The following MYOD1 variants were observed in gnomAD, a reference collection of about 807,000 sequenced individuals.
MYOD1 encodes myogenic differentiation 1, also known as myoblast determination protein 1.
A neutral mutation model predicts 14.9 loss-of-function variants in MYOD1; 15 were observed. The observed-to-expected ratio is 1.01, with a 90% CI of 0.67 to 1.55. The LOEUF (loss-of-function observed/expected upper bound fraction) is 1.55. Among genes scored for constraint, MYOD1 ranks in the 40% most tolerant of loss-of-function variants. MYOD1 has a pLI of 0.00. For synonymous variants in MYOD1, 235 were observed against 218.6 expected, an observed-to-expected ratio of 1.07 and a Z score of -0.66; for missense variants, 529 against 482.6, an observed-to-expected ratio of 1.10 and a Z score of -0.90.
rs946495573 is a variant in MYOD1 at position 17,720,316 on chromosome 11, C to G, written c.534C>G (p.Phe178Leu). ...CGCCCCCTGGCGCCGCAGCCGCCTT[C>G]TATGCGCCGGGCCCGCTGCCCCCGG... ...DAAPPGAAAA[F>L]YAPGPLPPGR... is the part of the protein sequence containing the mutation. Residue 178 changes from phenylalanine (F) to leucine (L), a missense_variant, in exon 1 of 3, where the codon TTC becomes TTG. Transcript: ENST00000250003. The G allele has an allele frequency of 1.9e-6, 3 of 1,584,702 alleles. No homozygotes were observed. The highest frequency in any genetic ancestry group is 2.6e-6 in the Non-Finnish European group (3 of 1,169,880).
Position 17,721,472 on chromosome 11 carries a change from G to T in MYOD1, c.927G>T (p.Ala309=). 2 of 1,586,828 alleles carry T rather than the reference G, an allele frequency of 1.3e-6. No individual in the cohort carries two copies. Among genetic ancestry groups the T allele is most frequent in the Non-Finnish European group, 1.7e-6 (2 of 1,172,390 alleles). Residue 309 remains alanine, a synonymous_variant, in exon 3 of 3, where the codon GCG becomes GCT. Transcript: ENST00000250003. This position sits in a 1 kb window ranked among gnomAD's most constrained non-coding sequence, Gnocchi z 6.2. ...QSPDAAPQCP[A]GANPNPIYQV... The stretch of plus-strand genomic sequence containing the variant: ...CGGACGCCGCCCCGCAGTGCCCTGC[G>T]GGTGCGAACCCCAACCCGATATACC...
At position 17,721,404 on chromosome 11, in the gene MYOD1, G is replaced by T; in HGVS notation, c.859G>T (p.Ala287Ser). 6.3e-7 allele frequency: 1 copy of T among 1,597,524 alleles called. No individual in the cohort carries two copies. ...ESPPRRQEAA[A>S]PSEGESSGDP... ...GCCTCCGCGCAGGCAAGAGGCTGCC[G>T]CCCCCAGCGAGGGAGAGAGCAGCGG... Residue 287 changes from alanine (A) to serine (S), a missense_variant, in exon 3 of 3, where the codon GCC becomes TCC. Ala to Ser is a moderately conservative substitution (Grantham distance 99). Coordinates refer to ENST00000250003, the MANE Select transcript of MYOD1 (RefSeq NM_002478.5). The surrounding 1 kb of genome is among the most constrained non-coding windows in gnomAD (Gnocchi z 6.2).
At position 17,721,757 on chromosome 11, in the gene MYOD1, C is replaced by A. The variant is rs1227050559; in HGVS notation, c.*249C>A. On this transcript the variant is annotated 3_prime_UTR_variant, in exon 3 of 3. Transcript: ENST00000250003. The surrounding 1 kb of genome is among the most constrained non-coding windows in gnomAD (Gnocchi z 6.2). ...CTCCGTGTTCCTCGGTGGGCCAGAG[C>A]TGAACCTTGAGGGGCTAGGTTCAGC... 6.3e-6 allele frequency: 3 copies of A among 475,226 alleles called. No homozygotes were observed. The highest frequency in any genetic ancestry group is 8.5e-5 in the South Asian group (2 of 23,392). The allele number at this position is 475,226 out of a possible 1,614,324, so 29.4% of individuals were successfully genotyped here. A position where few individuals can be genotyped will look rare whatever the true frequency, so the allele number is the denominator to read the frequency against.
Position 17,720,257 on chromosome 11 carries a change from G to A in MYOD1, c.475G>A (p.Gly159Ser), listed in dbSNP as rs1848622887. The change falls in exon 1 of 3, where the codon GGC becomes AGC. Residue 159 changes from glycine to serine, a missense_variant. Gly to Ser is a moderately conservative substitution (Grantham distance 56, BLOSUM62 0). Coordinates refer to ENST00000250003, the MANE Select transcript of MYOD1 (RefSeq NM_002478.5). ...ILRNAIRYIEGLQALLRDQDA... is the reference protein window; with the variant it reads ...ILRNAIRYIESLQALLRDQDA... ...GCGCAACGCCATCCGCTATATCGAG[G>A]GCCTGCAGGCTCTGCTGCGCGACCA... 6.2e-7 allele frequency: 1 copy of A among 1,602,894 alleles called. No homozygotes were observed. The highest frequency in any genetic ancestry group is 1.4e-5 in the African/African-American group (1 of 73,066).
intron 1 of MYOD1, 37 bp from the exon 2 acceptor site, chr11:17,720,865 C>T: frequency 6.3e-7 from 1 of 1,596,190 alleles, no homozygotes; most frequent in Non-Finnish European, 8.5e-7. Flanking sequence ...CTCGAGCCGT[C>T]CCGCGGGCCT....
Position 17,721,389 on chromosome 11 carries a change from A to G in MYOD1, c.844A>G (p.Arg282Gly), listed in dbSNP as rs1299507814. 3.1e-6 allele frequency: 5 copies of G among 1,596,354 alleles called. No homozygotes were observed. In the East Asian group the frequency reaches 1.1e-4, roughly 36 times the overall value. ...CGTGCCTTCTGAGTCGCCTCCGCGCAGGCAAGAGGCTGCCGCCCCCAGCGA... is the reference window on the plus strand; with the variant it reads ...CGTGCCTTCTGAGTCGCCTCCGCGCGGGCAAGAGGCTGCCGCCCCCAGCGA... ...ADVPSESPPRRQEAAAPSEGE... is the reference protein window; with the variant it reads ...ADVPSESPPRGQEAAAPSEGE... The change falls in exon 3 of 3, where the codon AGG becomes GGG. Residue 282 changes from arginine to glycine, a missense_variant. Arg to Gly is a moderately radical substitution (Grantham distance 125). Coordinates refer to ENST00000250003, the MANE Select transcript of MYOD1 (RefSeq NM_002478.5). The surrounding 1 kb of genome is among the most constrained non-coding windows in gnomAD (Gnocchi z 6.2).
intron 1 of MYOD1, 30 bp downstream of exon 1, chr11:17,720,442 G>C (rs1191858161): frequency 6.6e-6 from 10 of 1,519,834 alleles, no homozygotes; most frequent in Non-Finnish European, 8.7e-6. Context: ...AAGTGAGGAA[G>C]TTAGGGCGGC....
Position 17,720,955 on chromosome 11 carries a change from C to T in MYOD1, c.684C>T (p.Gly228=). ...CCCGGCGGCGGAACTGCTACGAAGGCGCCTACTACAACGAGGCGCCCAGCG... is the reference window on the plus strand; with the variant it reads ...CCCGGCGGCGGAACTGCTACGAAGGTGCCTACTACAACGAGGCGCCCAGCG... ...SGARRRNCYE[G]AYYNEAPSEP... is the part of the protein sequence containing the mutation. The change falls in exon 2 of 3, where the codon GGC becomes GGT. Residue 228 remains glycine (G), a synonymous_variant. Coordinates refer to ENST00000250003, the MANE Select transcript of MYOD1 (RefSeq NM_002478.5). 1 of 1,606,706 alleles carries T rather than the reference C, an allele frequency of 6.2e-7. No homozygotes were observed. Among genetic ancestry groups the T allele is most frequent in the Non-Finnish European group, 8.5e-7 (1 of 1,177,470 alleles).
rs930939009 is a variant in MYOD1 at position 17,721,329 on chromosome 11, G to A, written c.784G>A (p.Glu262Lys). The stretch of plus-strand genomic sequence containing the variant: ...CAGCATCGTGGAGCGCATCTCCACC[G>A]AGAGCCCTGCGGCGCCCGCCCTCCT... ...LSSIVERISTESPAAPALLLA... is the reference protein window; with the variant it reads ...LSSIVERISTKSPAAPALLLA... The change falls in exon 3 of 3, where the codon GAG (glutamate) becomes AAG (lysine). Residue 262 changes from glutamate (E) to lysine (K), a missense_variant. Physicochemically the swap from Glu to Lys is moderately conservative, Grantham distance 56. Transcript: ENST00000250003. The surrounding 1 kb of genome is among the most constrained non-coding windows in gnomAD (Gnocchi z 6.2). The A allele has an allele frequency of 1.2e-5, 19 of 1,595,216 alleles. No individual in the cohort carries two copies. The highest frequency in any genetic ancestry group is 1.7e-5 in the Admixed American group (1 of 59,508).
intron 1 of MYOD1, 131 bp from the exon 2 acceptor site, chr11:17,720,771 C>CCA: frequency 9.8e-7 from 1 of 1,024,442 alleles, no homozygotes; most frequent in Non-Finnish European, 1.4e-6. Flanking sequence ...TAATTACCCC[C>CCA]CCAACCAGGA....
chr11:17,721,072 C>A lies in MYOD1; in HGVS notation c.709+92C>A. The A allele has an allele frequency of 1.4e-6, 2 of 1,417,358 alleles. No homozygotes were observed. Among genetic ancestry groups the A allele is most frequent in the Non-Finnish European group, 9.4e-7 (1 of 1,066,888 alleles). 87.8% of individuals were successfully genotyped at this position (1,417,358 alleles called of 1,614,324 possible). A position where few individuals can be genotyped will look rare whatever the true frequency, so the allele number is the denominator to read the frequency against. ...GGACGCTCCCACCCCCACTCACACA[C>A]GCCTATGTCCTGGGAAGTGGTGCAG... On this transcript the variant is annotated intron_variant, in intron 2 of 2. Transcript: ENST00000250003. The surrounding 1 kb of genome is among the most constrained non-coding windows in gnomAD (Gnocchi z 6.2).
At position 17,721,815 on chromosome 11, in the gene MYOD1, C is replaced by A; in HGVS notation, c.*307C>A. On this transcript the variant is annotated 3_prime_UTR_variant, in exon 3 of 3. Transcript: ENST00000250003. This position sits in a 1 kb window ranked among gnomAD's most constrained non-coding sequence, Gnocchi z 6.2. Reference sequence around the variant, plus strand: ...CGCCCTCCCCCATGGGGGTGAGACCCTCGCAGACCTAAGCCCTGCCCCGGG... The same window carrying A: ...CGCCCTCCCCCATGGGGGTGAGACCATCGCAGACCTAAGCCCTGCCCCGGG... The A allele has an allele frequency of 2.6e-6, 1 of 383,086 alleles. No homozygotes were observed. Among genetic ancestry groups the A allele is most frequent in the Non-Finnish European group, 4.6e-6 (1 of 216,444 alleles). 23.7% of individuals were successfully genotyped at this position (383,086 alleles called of 1,614,324 possible).
At chr11:17,720,548 C>A in intron 1 of MYOD1, 136 bp downstream of exon 1, 2 of 1,242,664 alleles carry the variant, frequency 1.6e-6, no homozygotes, top group African/African-American at 1.6e-5. Context: ...CCCCCTTGTC[C>A]TGGGCAGCTG....
rs770108553 is a variant in MYOD1, at chr11:17,720,407, G to A, written c.625G>A (p.Gly209Ser). 2.6e-6 allele frequency: 4 copies of A among 1,561,702 alleles called. No homozygotes were observed. The highest frequency in any genetic ancestry group is 3.4e-6 in the Non-Finnish European group (4 of 1,165,540). Residue 209 changes from glycine to serine, a missense_variant, in exon 1 of 3, where the codon GGC becomes AGC. Gly to Ser is a moderately conservative substitution (Grantham distance 56). Coordinates refer to ENST00000250003, the MANE Select transcript of MYOD1 (RefSeq NM_002478.5). ...ASSPRSNCSD[G>S]MMDYSGPPSG... ...CAGCCCGCGCTCCAACTGCTCCGAC[G>A]GCATGGTAAGGCCGGGACCCCAGGA...
chr11:17,721,661 C>A lies in MYOD1; in HGVS notation c.*153C>A. On this transcript the variant is annotated 3_prime_UTR_variant, in exon 3 of 3. Transcript: ENST00000250003. The surrounding 1 kb of genome is among the most constrained non-coding windows in gnomAD (Gnocchi z 6.2). ...GGGAGAACTGAAGTTTCCGCCCCCG[C>A]CCCACAGGGCAAGGACACAGCGCGG... 3.4e-6 allele frequency: 3 copies of A among 889,568 alleles called. No individual in the cohort carries two copies. Among genetic ancestry groups the A allele is most frequent in the South Asian group, 4.3e-5 (2 of 46,562 alleles). The allele number at this position is 889,568 out of a possible 1,614,324, so 55.1% of individuals were successfully genotyped here.
intron 1 of MYOD1, 110 bp from the exon 2 acceptor site, chr11:17,720,792 C>A: frequency 8.1e-7 from 1 of 1,227,600 alleles, no homozygotes; most frequent in Non-Finnish European, 1.1e-6. Flanking sequence ...CAGGTCTGGG[C>A]CCGGAACTAG....
rs1473386428 is a variant in MYOD1, at chr11:17,721,252, C to T, written c.710-3C>T. 1 of 1,541,110 alleles carries T rather than the reference C, an allele frequency of 6.5e-7. No individual in the cohort carries two copies. The highest frequency in any genetic ancestry group is 1.9e-5 in the Admixed American group (1 of 51,362). On this transcript the variant is annotated splice_polypyrimidine_tract_variant and splice_region_variant and intron_variant, in intron 2 of 2. Coordinates refer to ENST00000250003, the MANE Select transcript of MYOD1 (RefSeq NM_002478.5). This position sits in a 1 kb window ranked among gnomAD's most constrained non-coding sequence, Gnocchi z 6.2. ...GCTTACTAACCGAGCCCTCCCCGCG[C>T]AGAACCCAGGCCCGGGAAGAGTGCG...
Position 17,720,140 on chromosome 11 carries a change from C to T in MYOD1, c.358C>T (p.Arg120Cys). The change falls in exon 1 of 3, where the codon CGC becomes TGC. Residue 120 changes from arginine to cysteine, a missense_variant. Arg to Cys is a radical substitution (Grantham distance 180). Transcript: ENST00000250003. ...CAAGGCCGCCACCATGCGCGAGCGG[C>T]GCCGCCTGAGCAAAGTAAATGAGGC... ...RRKAATMRER[R>C]RLSKVNEAFE... 6.3e-7 allele frequency: 1 copy of T among 1,596,372 alleles called. No homozygotes were observed. The highest frequency in any genetic ancestry group is 8.5e-7 in the Non-Finnish European group (1 of 1,172,872).
chr11:17,721,348 C>T lies in MYOD1; in HGVS notation c.803C>T (p.Ala268Val), dbSNP rs768735477. ...TCCACCGAGAGCCCTGCGGCGCCCG[C>T]CCTCCTGCTGGCGGACGTGCCTTCT... ...RISTESPAAP[A>V]LLLADVPSES... The change falls in exon 3 of 3, where the codon GCC becomes GTC. Residue 268 changes from alanine (A) to valine (V), a missense_variant. Ala to Val is a moderately conservative substitution (Grantham distance 64, BLOSUM62 0). Coordinates refer to ENST00000250003, the MANE Select transcript of MYOD1 (RefSeq NM_002478.5). This position sits in a 1 kb window ranked among gnomAD's most constrained non-coding sequence, Gnocchi z 6.2. 5 of 1,594,626 alleles carry T rather than the reference C, an allele frequency of 3.1e-6. No homozygotes were observed. The South Asian group carries it at 4.4e-5, about 14-fold the overall frequency.
Sources: gnomAD v4.1 joint callset for allele counts on GRCh38, gnomAD v4.1.1 for gene constraint, Gnocchi (gnomAD v3.1) non-coding constraint, MANE v1.5 for transcripts, NCBI Gene and HGNC (gene_info 2026-07-23, HGNC 2026-07-21) for gene names.